ROBO2: variants seen among roughly 807,000 people sequenced by gnomAD.
The protein encoded by ROBO2 is roundabout homolog 2.
Under a neutral mutation model 160.8 loss-of-function variants are expected in ROBO2, and 53 were observed. The ratio of observed to expected loss-of-function variants is 0.33; its 90% CI spans 0.26 to 0.41. The LOEUF is 0.41. Ranked by LOEUF, ROBO2 falls within the 10% of genes least tolerant of loss-of-function variation. The pLI is 1.00. For synonymous variants in ROBO2, 664 were observed against 611.7 expected, an observed-to-expected ratio of 1.09 and a Z score of -1.26; for missense variants, 1,577 against 1,722.4, an observed-to-expected ratio of 0.92 and a Z score of 1.49.
rs564576569 is a variant in ROBO2, at chr3:77,566,020, GTTAA to G, written c.1849+904_1849+907del. On this transcript the variant is annotated intron_variant, in intron 12 of 25. Transcript: ENST00000461745. Reference sequence around the variant, plus strand: ...CTTCCCACAGGGTTCTTCAGAAAGGGTTAATTATTTCTTATTTGTAAAAGACTTT... The same window carrying G: ...CTTCCCACAGGGTTCTTCAGAAAGGGTTATTTCTTATTTGTAAAAGACTTT... Among the ~76,000 whole-genome samples the G allele has an allele frequency of 9.2e-5, 14 of 152,104 alleles. No individual in the cohort carries two copies. In the South Asian group the frequency reaches 2.3e-3, roughly 25 times the overall value.
intron 2 of ROBO2, among the ~76,000 whole-genome samples, chr3:76,751,047 A>C (rs1052365976): frequency 3.9e-5 from 6 of 152,110 alleles, no homozygotes; most frequent in African/African-American, 1.4e-4. Flanking sequence ...TTCAAACTAT[A>C]CTACAAGGCT....
At chr3:75,994,906 A>G (rs2065681621) in intron 2 of ROBO2, among the ~76,000 whole-genome samples, 1 of 152,172 alleles carries the variant, frequency 6.6e-6, no homozygotes, top group South Asian at 2.1e-4. Flanking sequence ...TGGAGATGAG[A>G]AACTTGTTGG....
intron 2 of ROBO2, among the ~76,000 whole-genome samples, chr3:77,209,106 A>T (rs530962146): frequency 6.6e-6 from 1 of 152,192 alleles, no homozygotes; most frequent in Non-Finnish European, 1.5e-5. Flanking sequence ...TTTTGTACAG[A>T]TATTCATCTA....
intron 2 of ROBO2, among the ~76,000 whole-genome samples, chr3:76,643,658 A>G (rs2090818079): frequency 8.3e-6 from 1 of 120,224 alleles, no homozygotes; most frequent in African/African-American, 3.5e-5. Context: ...TACATAATTT[A>G]TGTCTACCCC....
intron 2 of ROBO2, among the ~76,000 whole-genome samples, chr3:76,618,306 A>G (rs953184984): frequency 6.6e-6 from 1 of 151,634 alleles, no homozygotes; most frequent in African/African-American, 2.4e-5. Context: ...TTTTACCATT[A>G]CTGTTGATTA....
At chr3:77,539,749 T>C (rs1329546420) in intron 6 of ROBO2, among the ~76,000 whole-genome samples, 3 of 152,058 alleles carry the variant, frequency 2.0e-5, no homozygotes, top group African/African-American at 7.2e-5. Context: ...ATCTTCAAAC[T>C]GAACTAAGGA....
chr3:77,290,108 C>G, intron 2 of ROBO2, among the ~76,000 whole-genome samples: 1 of 152,012 alleles, frequency 6.6e-6, no homozygotes, highest in South Asian at 2.1e-4. Context: ...TAAGCTGAGG[C>G]TAGATCACCA....
chr3:77,177,690 A>C (rs62251820), intron 2 of ROBO2, among the ~76,000 whole-genome samples: 8,640 of 151,990 alleles, frequency 0.057, 429 homozygotes, highest in African/African-American at 0.13. Context: ...ACTGTGGTTT[A>C]CAGTCTAGTT....
chr3:75,946,360 A>C lies in ROBO2; in HGVS notation c.109+8758A>C, dbSNP rs558044913. On this transcript the variant is annotated intron_variant, in intron 2 of 26. Coordinates refer to the ROBO2 transcript ENST00000487694. ...AGTCAATAAATGGCTATTTATAGAA[A>C]GCCTACCAGGCACTAGGGGATATAG... 3.7e-4 allele frequency among the ~76,000 whole-genome samples: 57 copies of C among 152,230 alleles called. No individual in the cohort carries two copies. In the East Asian group the frequency reaches 0.01, roughly 28 times the overall value.
At chr3:76,526,840 G>A (rs1040531550) in intron 2 of ROBO2, among the ~76,000 whole-genome samples, 1 of 152,042 alleles carries the variant, frequency 6.6e-6, no homozygotes. Context: ...ATAATGGGAA[G>A]TTAACAGAAT....
intron 2 of ROBO2, among the ~76,000 whole-genome samples, chr3:76,913,793 GTAATACTCCTTTAGAGGAGTAACTGTGAA>G (rs2076139173): frequency 2.0e-5 from 3 of 151,580 alleles, no homozygotes; most frequent in African/African-American, 4.9e-5. Flanking sequence ...GTAAATGTGA[GTAATACTCCTTTAGAGGAGTAACTGTGAA>G]TAATACTCCT....
chr3:76,700,220 TTTCTTCTA>T, intron 2 of ROBO2, among the ~76,000 whole-genome samples: 1 of 152,230 alleles, frequency 6.6e-6, no homozygotes, highest in Middle Eastern at 3.4e-3. Flanking sequence ...ATTGTCCACT[TTTCTTCTA>T]TTCTTTAGCA....
chr3:77,006,305 T>TGTG (rs2061574310), intron 2 of ROBO2, among the ~76,000 whole-genome samples: 1 of 143,876 alleles, frequency 7.0e-6, no homozygotes, highest in African/African-American at 2.6e-5. Context: ...ATTTTAATAT[T>TGTG]TGTGTGTGTG....
chr3:76,437,612 T>C (rs2076744137), intron 2 of ROBO2, among the ~76,000 whole-genome samples: 1 of 152,186 alleles, frequency 6.6e-6, no homozygotes, highest in Non-Finnish European at 1.5e-5. Context: ...AAAGGGATGT[T>C]TGAAAATTAT....
intron 2 of ROBO2, among the ~76,000 whole-genome samples, chr3:77,162,088 T>G (rs2078543699): frequency 6.6e-6 from 1 of 152,140 alleles, no homozygotes; most frequent in Non-Finnish European, 1.5e-5. Context: ...CTTATCATAT[T>G]TTAACTTGGA....
At chr3:77,295,265 C>T (rs1249331719) in intron 2 of ROBO2, among the ~76,000 whole-genome samples, 16 of 139,048 alleles carry the variant, frequency 1.2e-4, no homozygotes, top group South Asian at 4.7e-4. Flanking sequence ...GACGATTAAA[C>T]GGTAAGCTGA....
At chr3:77,507,469 C>T (rs886597406) in intron 5 of ROBO2, among the ~76,000 whole-genome samples, 5 of 152,182 alleles carry the variant, frequency 3.3e-5, no homozygotes, top group Admixed American at 3.3e-4. Flanking sequence ...AGCATTTCTT[C>T]TTGCACACAG....
At chr3:76,984,468 T>C (rs1023535949) in intron 2 of ROBO2, among the ~76,000 whole-genome samples, 2 of 152,144 alleles carry the variant, frequency 1.3e-5, no homozygotes, top group Admixed American at 1.3e-4. Context: ...CTGAGCCTAT[T>C]GTTCTCCAAG....
At chr3:76,713,991 A>G (rs934287807) in intron 2 of ROBO2, among the ~76,000 whole-genome samples, 2 of 152,058 alleles carry the variant, frequency 1.3e-5, no homozygotes, top group African/African-American at 4.8e-5. Context: ...TCAGAAAATT[A>G]TAGAAAACTG....
Sources: allele counts gnomAD v4.1 joint callset (sites outside exome capture counted in the v4.1 genomes callset), GRCh38; gene constraint gnomAD v4.1.1; transcripts MANE v1.5; gene names NCBI Gene and HGNC (gene_info 2026-07-23, HGNC 2026-07-21).